Variants in ADCY5 observed in about 807,000 individuals in gnomAD.
The protein encoded by ADCY5 is adenylate cyclase type 5.
A neutral mutation model predicts 119.7 loss-of-function variants in ADCY5; 30 were observed. That is an observed-to-expected ratio of 0.25 (90% CI 0.19 to 0.34). The LOEUF is 0.34. ADCY5 is among the 10% of genes least tolerant of loss of function. The pLI, the probability that ADCY5 is intolerant of heterozygous loss-of-function variation, is 1.00. For synonymous variants in ADCY5, 753 were observed against 762.2 expected (o/e 0.99, Z 0.20); for missense variants, 1,324 against 1,775.2 (o/e 0.75, Z 4.57).
intron 1 of ADCY5, among the ~76,000 whole-genome samples, chr3:123,403,499 A>C (rs943484559): frequency 6.6e-6 from 1 of 151,582 alleles, no homozygotes; most frequent in Non-Finnish European, 1.5e-5. Flanking sequence ...TGCTTTCCTC[A>C]CCAGTAAGAG....
intron 1 of ADCY5, among the ~76,000 whole-genome samples, chr3:123,361,112 T>C (rs760336873): frequency 2.7e-4 from 41 of 152,182 alleles, no homozygotes; most frequent in Non-Finnish European, 5.6e-4. Flanking sequence ...CAACTTTCTC[T>C]CACCCTTGTC....
intron 1 of ADCY5, among the ~76,000 whole-genome samples, chr3:123,357,149 T>C (rs1943067432): frequency 6.6e-6 from 1 of 152,068 alleles, no homozygotes; most frequent in Non-Finnish European, 1.5e-5. Context: ...ATCTTGATTG[T>C]GTTAGCAATT....
intron 1 of ADCY5, chr3:123,404,483 G>C (rs1378067250): frequency 6.6e-6 from 1 of 152,432 alleles, no homozygotes; most frequent in Admixed American, 6.5e-5. Flanking sequence ...CATGGTCAGG[G>C]GCCAGGAGGT....
At chr3:123,386,768 C>T (rs1372389792) in intron 1 of ADCY5, among the ~76,000 whole-genome samples, 4 of 152,132 alleles carry the variant, frequency 2.6e-5, no homozygotes, top group African/African-American at 4.8e-5. Context: ...TCTTCCCACG[C>T]TGCCTGCCAG....
intron 1 of ADCY5, among the ~76,000 whole-genome samples, chr3:123,389,332 A>G (rs750003335): frequency 1.3e-5 from 2 of 152,118 alleles, no homozygotes; most frequent in African/African-American, 2.4e-5. Flanking sequence ...CCTTGCCAAA[A>G]TGTCTGGCCC....
chr3:123,357,527 C>T (rs144676806), intron 1 of ADCY5, among the ~76,000 whole-genome samples: 6 of 152,310 alleles, frequency 3.9e-5, no homozygotes, highest in Non-Finnish European at 5.9e-5. Flanking sequence ...ACCCAATAGC[C>T]GTCCAAATGG....
chr3:123,291,215 G>A lies in ADCY5; in HGVS notation c.3225C>T (p.Ala1075=). The change falls in exon 18 of 21, where the codon GCC becomes GCT. Residue 1075 remains alanine (A), a synonymous_variant. Coordinates refer to ENST00000462833, the MANE Select transcript of ADCY5 (RefSeq NM_183357.3). ...AGAACTCGGAGAAGTTGGCGATGGA[G>A]GCGAACATGACCGCCACACACTCAC... The part of the protein sequence containing the change: ...QSCECVAVMF[A]SIANFSEFYV... 6.2e-7 allele frequency: 1 copy of A among 1,614,090 alleles called. No individual in the cohort carries two copies. Among genetic ancestry groups the A allele is most frequent in the Middle Eastern group, 1.6e-4 (1 of 6,062 alleles).
chr3:123,351,046 T>C (rs1015780982), intron 2 of ADCY5, among the ~76,000 whole-genome samples: 1 of 151,950 alleles, frequency 6.6e-6, no homozygotes, highest in African/African-American at 2.4e-5. Context: ...AGGGCTTCCT[T>C]CAAGATGCTG....
chr3:123,399,838 G>C (rs1040218783), intron 1 of ADCY5, among the ~76,000 whole-genome samples: 4 of 152,120 alleles, frequency 2.6e-5, no homozygotes, highest in Admixed American at 6.5e-5. Context: ...TGTGCTTTTT[G>C]CATGAGTCAG....
chr3:123,299,985 G>T, intron 15 of ADCY5, 135 bp downstream of exon 15: 1 of 975,468 alleles, frequency 1.0e-6, no homozygotes, highest in Non-Finnish European at 1.5e-6. Flanking sequence ...CCGTTTTCCA[G>T]ATGTCAGGGC....
At chr3:123,427,480 G>C (rs1053365239) in intron 1 of ADCY5, among the ~76,000 whole-genome samples, 1 of 152,142 alleles carries the variant, frequency 6.6e-6, no homozygotes, top group Admixed American at 6.5e-5. Flanking sequence ...CTTCGCTCCT[G>C]CTGTTACCTG....
In ADCY5 at chr3:123,352,403, C is replaced by T. The variant is rs770294031; in HGVS notation, c.1284+29G>A. ...TACATCTCAGGGCTCGACTCCGTCCCACTGTGCAAGGGCAGGGGCCTCACT... is the reference window on the plus strand; with the variant it reads ...TACATCTCAGGGCTCGACTCCGTCCTACTGTGCAAGGGCAGGGGCCTCACT... On this transcript the variant is annotated intron_variant, in intron 2 of 20. Coordinates refer to ENST00000462833, the MANE Select transcript of ADCY5 (RefSeq NM_183357.3). This position sits in a 1 kb window ranked among gnomAD's most constrained non-coding sequence, Gnocchi z 4.8. 3.1e-6 allele frequency: 5 copies of T among 1,597,646 alleles called. No individual in the cohort carries two copies. In the South Asian group the frequency reaches 5.6e-5, roughly 18 times the overall value.
intron 7 of ADCY5, 43 bp from the exon 8 acceptor site, chr3:123,325,505 G>A: frequency 6.2e-7 from 1 of 1,612,194 alleles, no homozygotes; most frequent in African/African-American, 1.3e-5. Context: ...AGGAGTCCAA[G>A]CGGAGGGCTC....
Position 123,352,693 on chromosome 3 carries a change from A to C in ADCY5, c.1135-112T>G. ...ACTCACACCTGGCGCTAGCAAACAA[A>C]TGCTGAGGGCACCCCACACGCGGCC... On this transcript the variant is annotated intron_variant, in intron 1 of 20. Transcript: ENST00000462833. The surrounding 1 kb of genome is among the most constrained non-coding windows in gnomAD (Gnocchi z 4.8). The C allele has an allele frequency of 1.6e-6, 2 of 1,280,462 alleles. No homozygotes were observed. The highest frequency in any genetic ancestry group is 2.5e-5 in the East Asian group (1 of 39,644). The allele number at this position is 1,280,462 out of a possible 1,614,324, so 79.3% of individuals were successfully genotyped here. A position where few individuals can be genotyped will look rare whatever the true frequency, so the allele number is the denominator to read the frequency against.
At chr3:123,410,790 G>C (rs989393472) in intron 1 of ADCY5, among the ~76,000 whole-genome samples, 22 of 152,130 alleles carry the variant, frequency 1.4e-4, no homozygotes, top group South Asian at 1.0e-3. Context: ...TAGGACTACA[G>C]GCATGTATCA....
At chr3:123,331,370 G>A (rs1941756445) in intron 4 of ADCY5, among the ~76,000 whole-genome samples, 1 of 152,240 alleles carries the variant, frequency 6.6e-6, no homozygotes, top group Non-Finnish European at 1.5e-5. Flanking sequence ...AAGGCCCCAA[G>A]CCCCAGTACA....
At chr3:123,294,472 G>A (rs538079887) in intron 17 of ADCY5, among the ~76,000 whole-genome samples, 80 of 152,368 alleles carry the variant, frequency 5.3e-4, no homozygotes, top group South Asian at 1.0e-3. Context: ...ATCACCGGTG[G>A]TGGGATGGGT....
chr3:123,448,920 T>G lies in ADCY5; in HGVS notation c.-375A>C. 1.1e-5 allele frequency: 2 copies of G among 186,920 alleles called. No individual in the cohort carries two copies. The highest frequency in any genetic ancestry group is 1.1e-5 in the Non-Finnish European group (1 of 91,198). The allele number at this position is 186,920 out of a possible 1,614,324, so 11.6% of individuals were successfully genotyped here. On this transcript the variant is annotated 5_prime_UTR_variant, in exon 1 of 21. Transcript: ENST00000462833. ...GACGAGACGGGACGGAGTGGTGTCC[T>G]TGCGGGCGGTGCCTCCTCGGGCCGG...
rs529490643 is a variant in ADCY5, at chr3:123,447,407, C to G, written c.1134+5G>C. The G allele has an allele frequency of 6.4e-7, 1 of 1,559,686 alleles. No homozygotes were observed. The highest frequency in any genetic ancestry group is 1.2e-5 in the South Asian group (1 of 82,372). On this transcript the variant is annotated splice_donor_5th_base_variant and intron_variant, in intron 1 of 20. Transcript: ENST00000462833. ...TCCAGTCCCGGTGGCCAGGTCGGCCCCTACCTGCTTCAGCAGGAACTGGTC... is the reference window on the plus strand; with the variant it reads ...TCCAGTCCCGGTGGCCAGGTCGGCCGCTACCTGCTTCAGCAGGAACTGGTC...
Sources: allele counts gnomAD v4.1 joint callset (sites outside exome capture counted in the v4.1 genomes callset), GRCh38; gene constraint gnomAD v4.1.1; non-coding constraint Gnocchi (gnomAD v3.1); transcripts MANE v1.5; gene names NCBI Gene and HGNC (gene_info 2026-07-23, HGNC 2026-07-21).